Variants in TNKS observed in about 807,000 individuals in gnomAD.
The protein encoded by TNKS is poly [ADP-ribose] polymerase tankyrase-1.
A neutral mutation model predicts 135.8 loss-of-function variants in TNKS; 72 were observed. The observed-to-expected ratio is 0.53, with a 90% CI of 0.44 to 0.64. The LOEUF (loss-of-function observed/expected upper bound fraction) is 0.64. Ranked by LOEUF, TNKS falls within the 30% of genes least tolerant of loss-of-function variation. The probability of loss-of-function intolerance (pLI) is 0.00; values close to 1 mark genes in which losing one functional copy is unlikely to be tolerated. For missense variants in TNKS, 1,769 were observed against 1,674.0 expected (o/e 1.06, Z -0.99); for synonymous variants, 849 against 649.3 (o/e 1.31, Z -4.68).
At chr8:9,753,564 G>C (rs941147070) in intron 20 of TNKS, among the ~76,000 whole-genome samples, 1 of 152,166 alleles carries the variant, frequency 6.6e-6, no homozygotes, top group East Asian at 1.9e-4. Flanking sequence ...TTGTAATATT[G>C]TATGCTTTCA....
chr8:9,691,951 G>A (rs1016263453), intron 5 of TNKS, among the ~76,000 whole-genome samples: 4 of 152,080 alleles, frequency 2.6e-5, no homozygotes, highest in Admixed American at 1.3e-4. Context: ...ATGAATTATT[G>A]TTGTTCATTT....
At chr8:9,710,589 C>T (rs542236029) in intron 11 of TNKS, among the ~76,000 whole-genome samples, 3 of 152,176 alleles carry the variant, frequency 2.0e-5, no homozygotes, top group East Asian at 3.9e-4. Context: ...ATCAGAATAG[C>T]TCTACTTATT....
intron 18 of TNKS, among the ~76,000 whole-genome samples, chr8:9,749,483 T>A (rs1273480391): frequency 1.3e-5 from 2 of 151,256 alleles, no homozygotes; most frequent in African/African-American, 4.9e-5. Flanking sequence ...TTTTTTTTTT[T>A]TTCCCCCTTA....
At chr8:9,710,323 T>A in intron 11 of TNKS, 103 bp downstream of exon 11, 1 of 1,036,308 alleles carries the variant, frequency 9.6e-7, no homozygotes, top group Non-Finnish European at 1.5e-6. Context: ...ACTAATTTTA[T>A]AAAGGACTAT....
At chr8:9,614,731 G>A (rs1005312392) in intron 2 of TNKS, among the ~76,000 whole-genome samples, 2 of 152,084 alleles carry the variant, frequency 1.3e-5, no homozygotes, top group Non-Finnish European at 1.5e-5. Flanking sequence ...CATTGTTTGG[G>A]TAGTATTACA....
In TNKS at chr8:9,726,629, C is replaced by T. The variant is rs1386965993; in HGVS notation, c.1922-12C>T. 1 of 1,592,924 alleles carries T rather than the reference C, an allele frequency of 6.3e-7. No individual in the cohort carries two copies. Among genetic ancestry groups the T allele is most frequent in the Non-Finnish European group, 8.6e-7 (1 of 1,168,886 alleles). On this transcript the variant is annotated splice_polypyrimidine_tract_variant and intron_variant, in intron 12 of 26. Transcript: ENST00000310430. ...GGATATATATATGAGTTCTTTCCTTCCTTTTATGCAGAGAGTACACCTATA... is the reference window on the plus strand; with the variant it reads ...GGATATATATATGAGTTCTTTCCTTTCTTTTATGCAGAGAGTACACCTATA...
chr8:9,626,026 T>G (rs986472310), intron 3 of TNKS, among the ~76,000 whole-genome samples: 4 of 152,222 alleles, frequency 2.6e-5, no homozygotes, highest in African/African-American at 9.6e-5. Flanking sequence ...AATTGTAGAT[T>G]TAATTATTTC....
intron 1 of TNKS, among the ~76,000 whole-genome samples, chr8:9,575,701 C>T (rs1014397188): frequency 3.9e-5 from 6 of 152,020 alleles, no homozygotes; most frequent in Admixed American, 2.0e-4. Context: ...AAGAAAAAGA[C>T]AAATAGCCCA....
At chr8:9,607,749 A>G (rs1799286279) in intron 2 of TNKS, among the ~76,000 whole-genome samples, 1 of 152,200 alleles carries the variant, frequency 6.6e-6, no homozygotes, top group African/African-American at 2.4e-5. Context: ...GGAGCCCTTT[A>G]TAAGTACTTT....
intron 3 of TNKS, 148 bp downstream of exon 3, chr8:9,615,825 A>G (rs1799625752): frequency 6.5e-6 from 4 of 614,290 alleles, no homozygotes; most frequent in South Asian, 2.0e-5. Flanking sequence ...TTGATTTGAT[A>G]TCTGTCTCAT....
chr8:9,736,583 G>A (rs1292807345), intron 17 of TNKS, among the ~76,000 whole-genome samples: 1 of 135,442 alleles, frequency 7.4e-6, no homozygotes, highest in Non-Finnish European at 1.6e-5. Context: ...TTTGTATAAG[G>A]TGTAAGGAAG....
chr8:9,731,933 G>T (rs1280968500), intron 14 of TNKS, among the ~76,000 whole-genome samples: 2 of 151,946 alleles, frequency 1.3e-5, no homozygotes, highest in Non-Finnish European at 2.9e-5. Context: ...GACTACAGGC[G>T]CCCGTCACCA....
At chr8:9,663,693 T>A (rs536776892) in intron 3 of TNKS, among the ~76,000 whole-genome samples, 1 of 152,296 alleles carries the variant, frequency 6.6e-6, no homozygotes, top group South Asian at 2.1e-4. Flanking sequence ...CAAGTTTAAT[T>A]ATTTGCTAGT....
In TNKS at chr8:9,730,946, G is replaced by A. The variant is rs545887745; in HGVS notation, c.2058G>A (p.Thr686=). The part of the protein sequence containing the change: ...NCRDLEGRHS[T]PLHFAAGYNR... ...GAGACTTAGAGGGCCGGCATTCCAC[G>A]CCCTTACACTTCGCAGCAGGCTACA... The change falls in exon 14 of 27, where the codon ACG becomes ACA. Residue 686 remains threonine (T), a synonymous_variant. Transcript: ENST00000310430. 1.4e-5 allele frequency: 23 copies of A among 1,614,034 alleles called. No individual in the cohort carries two copies. Among genetic ancestry groups the A allele is most frequent in the East Asian group, 4.5e-5 (2 of 44,870 alleles).
chr8:9,711,834 A>G (rs1804347819), intron 11 of TNKS, among the ~76,000 whole-genome samples: 1 of 152,210 alleles, frequency 6.6e-6, no homozygotes, highest in Admixed American at 6.5e-5. Flanking sequence ...ATTTTGCTGA[A>G]AAATGATATA....
At chr8:9,603,219 C>CT (rs1439334204) in intron 2 of TNKS, among the ~76,000 whole-genome samples, 2 of 151,918 alleles carry the variant, frequency 1.3e-5, no homozygotes, top group African/African-American at 4.8e-5. Flanking sequence ...CACCCAGCTA[C>CT]TTTTTTTATT....
intron 5 of TNKS, among the ~76,000 whole-genome samples, chr8:9,691,920 T>G (rs59400423): frequency 6.6e-6 from 1 of 152,242 alleles, no homozygotes; most frequent in Non-Finnish European, 1.5e-5. Flanking sequence ...ATTTGATATA[T>G]AGAGAGCCAC....
At chr8:9,676,686 C>CTCTCTGTGTGTGTGTGTG (rs1554467464) in intron 3 of TNKS, among the ~76,000 whole-genome samples, 10 of 147,886 alleles carry the variant, frequency 6.8e-5, no homozygotes, top group African/African-American at 2.3e-4. Flanking sequence ...CTCTCTCTCT[C>CTCTCTGTGTGTGTGTGTG]TGTGTGTGTG....
At chr8:9,589,371 A>G (rs561655164) in intron 2 of TNKS, among the ~76,000 whole-genome samples, 1 of 152,352 alleles carries the variant, frequency 6.6e-6, no homozygotes, top group Admixed American at 6.5e-5. Flanking sequence ...TTGAAGTTAT[A>G]GTAAATAACT....
Sources: allele counts gnomAD v4.1 joint callset (sites outside exome capture counted in the v4.1 genomes callset), GRCh38; gene constraint gnomAD v4.1.1; transcripts MANE v1.5; gene names NCBI Gene and HGNC (gene_info 2026-07-23, HGNC 2026-07-21).